The following TGFA variants were observed in gnomAD, a reference collection of about 807,000 sequenced individuals.
TGFA encodes the protein protransforming growth factor alpha.
A neutral mutation model predicts 21.7 loss-of-function variants in TGFA; 12 were observed. The ratio of observed to expected loss-of-function variants is 0.55; its 90% CI spans 0.35 to 0.90. The LOEUF is 0.90. Ranked by LOEUF, TGFA falls within the 40% of genes least tolerant of loss-of-function variation. The pLI, the probability that TGFA is intolerant of heterozygous loss-of-function variation, is 0.01. For missense variants in TGFA, 178 were observed against 210.8 expected, an observed-to-expected ratio of 0.84 and a Z score of 0.96; for synonymous variants, 79 against 88.1, an observed-to-expected ratio of 0.90 and a Z score of 0.58.
intron 1 of TGFA, among the ~76,000 whole-genome samples, chr2:70,543,372 T>C (rs1358111841): frequency 2.3e-4 from 35 of 151,320 alleles, no homozygotes; most frequent in African/African-American, 8.5e-4. Context: ...TACTAAAGAA[T>C]ACAAAAATTA....
intron 2 of TGFA, among the ~76,000 whole-genome samples, chr2:70,498,288 C>T (rs1671635484): frequency 6.6e-6 from 1 of 152,254 alleles, no homozygotes; most frequent in South Asian, 2.1e-4. Context: ...ATATGGATTC[C>T]TTATGCTGTT....
chr2:70,536,998 CTTT>C (rs35098749), intron 1 of TGFA, among the ~76,000 whole-genome samples: 8 of 136,770 alleles, frequency 5.8e-5, no homozygotes, highest in African/African-American at 1.1e-4. Context: ...TTTTCTTTTT[CTTT>C]TTTTTTTTTT....
At chr2:70,546,890 T>C (rs1673322560) in intron 1 of TGFA, among the ~76,000 whole-genome samples, 2 of 152,206 alleles carry the variant, frequency 1.3e-5, no homozygotes, top group Non-Finnish European at 1.5e-5. Context: ...TTTAAATAGC[T>C]ACACAGTAAA....
At chr2:70,527,086 T>C (rs1183793456) in intron 1 of TGFA, among the ~76,000 whole-genome samples, 1 of 152,220 alleles carries the variant, frequency 6.6e-6, no homozygotes, top group African/African-American at 2.4e-5. Context: ...AATCCAGCAA[T>C]AGTGCTCCTT....
intron 2 of TGFA, among the ~76,000 whole-genome samples, chr2:70,505,810 A>G (rs1483883319): frequency 6.6e-6 from 1 of 152,220 alleles, no homozygotes; most frequent in South Asian, 2.1e-4. Flanking sequence ...ATTTTAGTCA[A>G]TGCAACCTGG....
chr2:70,449,523 C>A lies in TGFA; in HGVS notation c.*1336G>T. ...GCAGGCCCCATGGGTCAGATGGACC[C>A]AGATGCTCAGGGGAACAATTGCTCC... On this transcript the variant is annotated 3_prime_UTR_variant, in exon 6 of 6. Transcript: ENST00000295400. 1 of 200,386 alleles carries A rather than the reference C, an allele frequency of 5.0e-6. No individual in the cohort carries two copies. The highest frequency in any genetic ancestry group is 1.1e-5 in the Non-Finnish European group (1 of 93,554). 12.4% of individuals were successfully genotyped at this position (200,386 alleles called of 1,614,324 possible). A position where few individuals can be genotyped will look rare whatever the true frequency, so the allele number is the denominator to read the frequency against.
At position 70,448,459 on chromosome 2, in the gene TGFA, A is replaced by G. The variant is rs1669952124; in HGVS notation, c.*2400T>C. 1 of 152,222 alleles carries G rather than the reference A, an allele frequency of 6.6e-6. No individual in the cohort carries two copies. The highest frequency in any genetic ancestry group is 1.5e-5 in the Non-Finnish European group (1 of 68,038). 9.4% of individuals were successfully genotyped at this position (152,222 alleles called of 1,614,324 possible). A position where few individuals can be genotyped will look rare whatever the true frequency, so the allele number is the denominator to read the frequency against. On this transcript the variant is annotated 3_prime_UTR_variant, in exon 6 of 6. Transcript: ENST00000295400. The stretch of plus-strand genomic sequence containing the variant: ...TTGTAGTGAACAATTCATTTTCTAA[A>G]GGGCAAGGAAACACAGGGAGCTTGC...
chr2:70,522,480 GCTGGAGT>G (rs1672501809), intron 1 of TGFA, among the ~76,000 whole-genome samples: 1 of 152,048 alleles, frequency 6.6e-6, no homozygotes, highest in African/African-American at 2.4e-5. Context: ...TGTTGCCCAG[GCTGGAGT>G]ACAGTGGCAT....
At chr2:70,511,186 C>T (rs1360788854) in intron 2 of TGFA, among the ~76,000 whole-genome samples, 1 of 152,140 alleles carries the variant, frequency 6.6e-6, no homozygotes, top group Admixed American at 6.5e-5. Context: ...ATCTTGCATC[C>T]GTTATTATTT....
At chr2:70,502,743 G>T (rs1010736236) in intron 2 of TGFA, among the ~76,000 whole-genome samples, 3 of 152,192 alleles carry the variant, frequency 2.0e-5, no homozygotes, top group Admixed American at 1.3e-4. Context: ...GGCCATCTTG[G>T]TATTTCAGAT....
chr2:70,488,405 C>T (rs1671330698), intron 2 of TGFA, among the ~76,000 whole-genome samples: 1 of 152,140 alleles, frequency 6.6e-6, no homozygotes, highest in Admixed American at 6.5e-5. Flanking sequence ...TTCTAAACAG[C>T]CAACCAATTA....
intron 1 of TGFA, among the ~76,000 whole-genome samples, chr2:70,520,370 C>T (rs1669289260): frequency 6.6e-6 from 1 of 151,558 alleles, no homozygotes; most frequent in African/African-American, 2.4e-5. Flanking sequence ...CAAAAATCAG[C>T]TGGGTGTGGT....
At chr2:70,501,818 C>T (rs189140317) in intron 2 of TGFA, among the ~76,000 whole-genome samples, 345 of 152,358 alleles carry the variant, frequency 2.3e-3, no homozygotes, top group Non-Finnish European at 3.6e-3. Context: ...ACATAAAGTG[C>T]TATGAATAGT....
intron 1 of TGFA, among the ~76,000 whole-genome samples, chr2:70,521,613 G>GTGTTTTT (rs532266930): frequency 3.8e-4 from 28 of 74,064 alleles, no homozygotes; most frequent in African/African-American, 1.1e-3. Flanking sequence ...GTTGTTGTTT[G>GTGTTTTT]TTTGTTTTTT....
At chr2:70,495,037 C>T (rs1261791060) in intron 2 of TGFA, among the ~76,000 whole-genome samples, 2 of 152,100 alleles carry the variant, frequency 1.3e-5, no homozygotes, top group Admixed American at 1.3e-4. Context: ...TATAAATATC[C>T]ACTTATTTCC....
At chr2:70,536,335 G>A (rs1030891156) in intron 1 of TGFA, among the ~76,000 whole-genome samples, 1 of 152,202 alleles carries the variant, frequency 6.6e-6, no homozygotes, top group Non-Finnish European at 1.5e-5. Context: ...AGCAGAAGTG[G>A]TTAGATCTGG....
At chr2:70,553,325 C>A in intron 1 of TGFA, 1 of 1,501,730 alleles carries the variant, frequency 6.7e-7, no homozygotes, top group Non-Finnish European at 8.8e-7. Flanking sequence ...TAGACGCCGG[C>A]CCCCGTTCCG....
At chr2:70,465,464 G>T (rs1238653340) in intron 3 of TGFA, 152 bp downstream of exon 3, 4 of 949,398 alleles carry the variant, frequency 4.2e-6, no homozygotes, top group Non-Finnish European at 5.9e-6. Flanking sequence ...TTTTGAAAAA[G>T]GTGTCCCTCA....
chr2:70,528,367 C>T (rs1243958288), intron 1 of TGFA, among the ~76,000 whole-genome samples: 5 of 152,118 alleles, frequency 3.3e-5, no homozygotes, highest in Admixed American at 6.5e-5. Context: ...TAGCTGATCT[C>T]GCCGGGCTGG....
Sources: allele counts gnomAD v4.1 joint callset (sites outside exome capture counted in the v4.1 genomes callset), GRCh38; gene constraint gnomAD v4.1.1; transcripts MANE v1.5; gene names NCBI Gene and HGNC (gene_info 2026-07-23, HGNC 2026-07-21).